The following SLC8A1 variants were observed in gnomAD, a reference collection of about 807,000 sequenced individuals.
SLC8A1 encodes solute carrier family 8 member A1.
A neutral mutation model predicts 68.3 loss-of-function variants in SLC8A1; 18 were observed. The observed-to-expected ratio is 0.26, with a 90% CI of 0.18 to 0.39. The LOEUF (loss-of-function observed/expected upper bound fraction) is 0.39, where lower values mean the gene tolerates loss of function less well. SLC8A1 is among the 10% of genes least tolerant of loss of function. SLC8A1 has a pLI of 1.00. For missense variants in SLC8A1, 985 were observed against 1,156.7 expected (o/e 0.85, Z 2.15); for synonymous variants, 475 against 415.5 (o/e 1.14, Z -1.74).
chr2:40,177,301 G>A (rs2048654675), intron 3 of SLC8A1, among the ~76,000 whole-genome samples: 1 of 152,092 alleles, frequency 6.6e-6, no homozygotes, highest in African/African-American at 2.4e-5. Flanking sequence ...TTTCCTGTTA[G>A]TTGCCATTAG....
In SLC8A1 at chr2:40,489,454, A is replaced by G. The variant is rs1705180515; in HGVS notation, c.-25+22895T>C. Among the ~76,000 whole-genome samples, 2 of 152,100 alleles carry G rather than the reference A, an allele frequency of 1.3e-5. 1 individual carries two copies. Among genetic ancestry groups the G allele is most frequent in the South Asian group, 4.1e-4 (2 of 4,830 alleles). ...AAAAGAGAAAGGAACTTTTCTTCCC[A>G]TGGTCACGGTCTGTGCCTTTTCACC... is the stretch of plus-strand genomic sequence containing the variant. On this transcript the variant is annotated intron_variant, in intron 1 of 7. Coordinates refer to the SLC8A1 transcript ENST00000402441.
At chr2:40,271,533 G>T (rs1323174460) in intron 2 of SLC8A1, among the ~76,000 whole-genome samples, 3 of 151,906 alleles carry the variant, frequency 2.0e-5, no homozygotes, top group Non-Finnish European at 1.5e-5. Flanking sequence ...TCCTTACCAC[G>T]ACCTGACATT....
intron 2 of SLC8A1, among the ~76,000 whole-genome samples, chr2:40,207,531 T>C (rs2055693651): frequency 6.6e-6 from 1 of 152,150 alleles, no homozygotes; most frequent in African/African-American, 2.4e-5. Context: ...ATAAAATATT[T>C]TTTTAACCTT....
At chr2:40,229,252 C>G (rs1175222487) in intron 2 of SLC8A1, among the ~76,000 whole-genome samples, 6 of 151,860 alleles carry the variant, frequency 4.0e-5, no homozygotes, top group African/African-American at 1.2e-4. Flanking sequence ...GCTCATGACC[C>G]TACTAAGTTG....
At chr2:40,353,393 G>T (rs1671707790) in intron 2 of SLC8A1, among the ~76,000 whole-genome samples, 1 of 152,002 alleles carries the variant, frequency 6.6e-6, no homozygotes, top group Non-Finnish European at 1.5e-5. Flanking sequence ...CCTCATCTGT[G>T]ACCCTCTCCT....
chr2:40,460,667 T>C (rs1241436692), intron 1 of SLC8A1, among the ~76,000 whole-genome samples: 3 of 151,452 alleles, frequency 2.0e-5, no homozygotes, highest in Non-Finnish European at 2.9e-5. Context: ...GCCTCCTGGG[T>C]TCAAGTGATT....
chr2:40,489,303 TG>T (rs1705170230), intron 1 of SLC8A1, among the ~76,000 whole-genome samples: 1 of 152,100 alleles, frequency 6.6e-6, no homozygotes, highest in Non-Finnish European at 1.5e-5. Context: ...CAGGCTTAAA[TG>T]GGATTACACG....
Position 40,302,031 on chromosome 2 carries a change from C to CTGTGTGTGTGTGTGTGTG in SLC8A1, c.1809-124194_1809-124177dup, listed in dbSNP as rs374407377. ...GCACCTGCCACCACACCGGGCTAAT[C>CTGTGTGTGTGTGTGTGTG]TGTGTGTGTGTGTGTGTGTGTGTGT... On this transcript the variant is annotated intron_variant, in intron 2 of 7. Coordinates refer to ENST00000406785, the Ensembl canonical transcript of SLC8A1. Among the ~76,000 whole-genome samples the CTGTGTGTGTGTGTGTGTG allele has an allele frequency of 7.3e-3, 960 of 132,296 alleles. 7 individuals are homozygous for CTGTGTGTGTGTGTGTGTG. Among genetic ancestry groups the CTGTGTGTGTGTGTGTGTG allele is most frequent in the East Asian group, 0.015 (63 of 4,100 alleles). 86.8% of individuals were successfully genotyped at this position (132,296 alleles called of 152,430 possible). A position where few individuals can be genotyped will look rare whatever the true frequency, so the allele number is the denominator to read the frequency against.
chr2:40,210,164 T>A (rs1428700281), intron 2 of SLC8A1: 1 of 152,178 alleles, frequency 6.6e-6, no homozygotes, highest in African/African-American at 2.4e-5. Context: ...ATGGCTCCAG[T>A]AAGGAAAACA....
intron 1 of SLC8A1, among the ~76,000 whole-genome samples, chr2:40,482,994 CG>C (rs1490003875): frequency 1.4e-5 from 2 of 146,862 alleles, no homozygotes; most frequent in African/African-American, 5.0e-5. Context: ...TTAGTAGAGA[CG>C]GGGTTTCACC....
At chr2:40,299,695 C>T (rs1376558578) in intron 2 of SLC8A1, among the ~76,000 whole-genome samples, 1 of 152,166 alleles carries the variant, frequency 6.6e-6, no homozygotes, top group Non-Finnish European at 1.5e-5. Context: ...GCTACACCTG[C>T]AACAGCTTCC....
chr2:40,151,986 G>C (rs1300590239), intron 6 of SLC8A1, among the ~76,000 whole-genome samples: 2 of 152,166 alleles, frequency 1.3e-5, no homozygotes, highest in Admixed American at 6.5e-5. Flanking sequence ...TTCTCATCAA[G>C]GATGAATGGC....
chr2:40,440,187 G>A (rs950030542), intron 1 of SLC8A1, among the ~76,000 whole-genome samples: 2 of 152,006 alleles, frequency 1.3e-5, no homozygotes, highest in Admixed American at 6.6e-5. Flanking sequence ...ACCTGTGTTT[G>A]AAAAATTATT....
At chr2:40,474,178 A>G (rs1704149232) in intron 1 of SLC8A1, among the ~76,000 whole-genome samples, 1 of 152,150 alleles carries the variant, frequency 6.6e-6, no homozygotes, top group Non-Finnish European at 1.5e-5. Flanking sequence ...CTCTAGGAAT[A>G]TGATTTTAAA....
At chr2:40,337,872 T>C (rs1441650841) in intron 2 of SLC8A1, among the ~76,000 whole-genome samples, 1 of 152,174 alleles carries the variant, frequency 6.6e-6, no homozygotes, top group Non-Finnish European at 1.5e-5. Context: ...CTACCTACTA[T>C]TTAATAATAC....
chr2:40,344,929 G>T (rs1334045411), intron 2 of SLC8A1, among the ~76,000 whole-genome samples: 1 of 152,132 alleles, frequency 6.6e-6, no homozygotes, highest in Non-Finnish European at 1.5e-5. Flanking sequence ...ACCCACATTA[G>T]GAACATATTG....
intron 2 of SLC8A1, among the ~76,000 whole-genome samples, chr2:40,267,256 G>A (rs1204630982): frequency 1.3e-5 from 2 of 152,096 alleles, no homozygotes; most frequent in South Asian, 2.1e-4. Flanking sequence ...TTTGTCTCTG[G>A]GTAACTTCAG....
chr2:40,280,564 T>G (rs2067361507), intron 2 of SLC8A1, among the ~76,000 whole-genome samples: 1 of 152,242 alleles, frequency 6.6e-6, no homozygotes, highest in Non-Finnish European at 1.5e-5. Context: ...ATTCATTTAT[T>G]AATCATTTTC....
At chr2:40,212,666 G>A (rs2056820649) in intron 2 of SLC8A1, among the ~76,000 whole-genome samples, 1 of 152,194 alleles carries the variant, frequency 6.6e-6, no homozygotes, top group Non-Finnish European at 1.5e-5. Flanking sequence ...GGCATTAGGA[G>A]CACCTCAAAG....
Sources: gnomAD v4.1 joint callset for allele counts (sites outside exome capture counted in the v4.1 genomes callset) on GRCh38, gnomAD v4.1.1 for gene constraint, MANE v1.5 for transcripts, NCBI Gene and HGNC (gene_info 2026-07-23, HGNC 2026-07-21) for gene names.